ZFAND3: variants seen among roughly 807,000 people sequenced by gnomAD.
ZFAND3 encodes the protein AN1-type zinc finger protein 3.
A neutral mutation model predicts 29.6 loss-of-function variants in ZFAND3; 10 were observed. That is an observed-to-expected ratio of 0.34 (90% CI 0.21 to 0.57). The LOEUF (loss-of-function observed/expected upper bound fraction) is 0.57, where lower values mean the gene tolerates loss of function less well. Ranked by LOEUF, ZFAND3 falls within the 20% of genes least tolerant of loss-of-function variation. The pLI is 0.86. For synonymous variants in ZFAND3, 128 were observed against 112.6 expected, an observed-to-expected ratio of 1.14 and a Z score of -0.87; for missense variants, 230 against 304.5, an observed-to-expected ratio of 0.76 and a Z score of 1.82.
chr6:38,095,193 T>G (rs1010441280), intron 4 of ZFAND3, among the ~76,000 whole-genome samples: 6 of 152,180 alleles, frequency 3.9e-5, no homozygotes, highest in Non-Finnish European at 7.3e-5. Flanking sequence ...ATGAAAACAG[T>G]TAATGGTGAA....
intron 2 of ZFAND3, among the ~76,000 whole-genome samples, chr6:38,009,300 C>T (rs1162282685): frequency 6.6e-6 from 1 of 152,152 alleles, no homozygotes; most frequent in South Asian, 2.1e-4. Context: ...TCGGTAGCAT[C>T]TTAACAAGTG....
chr6:37,946,294 A>G (rs1488708924), intron 2 of ZFAND3, among the ~76,000 whole-genome samples: 2 of 152,222 alleles, frequency 1.3e-5, no homozygotes, highest in Admixed American at 6.5e-5. Context: ...TAAGATACTT[A>G]CCATGACTCA....
chr6:38,115,253 A>G (rs1012017534), intron 4 of ZFAND3, among the ~76,000 whole-genome samples: 5 of 152,178 alleles, frequency 3.3e-5, no homozygotes, highest in African/African-American at 4.8e-5. Context: ...GACAGAGGGA[A>G]TAGAAGGTAC....
At chr6:37,886,237 C>CAA (rs55661554) in intron 1 of ZFAND3, among the ~76,000 whole-genome samples, 2 of 95,298 alleles carry the variant, frequency 2.1e-5, no homozygotes, top group African/African-American at 3.6e-5. Flanking sequence ...GACTCTGTCT[C>CAA]AAAAAAAAAA....
At chr6:38,051,417 T>C (rs1764023429) in intron 2 of ZFAND3, among the ~76,000 whole-genome samples, 2 of 152,192 alleles carry the variant, frequency 1.3e-5, no homozygotes, top group African/African-American at 4.8e-5. Flanking sequence ...TATGGGACAT[T>C]TAAAGCCTTA....
intron 1 of ZFAND3, among the ~76,000 whole-genome samples, chr6:37,873,202 C>G (rs988362864): frequency 6.6e-6 from 1 of 152,024 alleles, no homozygotes; most frequent in Non-Finnish European, 1.5e-5. Flanking sequence ...ACCCGGGAGG[C>G]GAAGCTTGCG....
chr6:37,981,712 T>TA (rs1376564664), intron 2 of ZFAND3, among the ~76,000 whole-genome samples: 1 of 152,198 alleles, frequency 6.6e-6, no homozygotes, highest in Non-Finnish European at 1.5e-5. Flanking sequence ...TTTTTCCTTG[T>TA]AGAAGGTCAA....
intron 1 of ZFAND3, among the ~76,000 whole-genome samples, chr6:37,908,523 T>C (rs1581752052): frequency 1.1e-5 from 1 of 95,218 alleles, no homozygotes; most frequent in African/African-American, 3.7e-5. Context: ...AAACTTAAAG[T>C]ATAATTAAAA....
chr6:37,938,289 C>T (rs1429394111), intron 2 of ZFAND3, among the ~76,000 whole-genome samples: 1 of 152,120 alleles, frequency 6.6e-6, no homozygotes, highest in Non-Finnish European at 1.5e-5. Context: ...TTACCTAGAA[C>T]AATCTCCGTT....
intron 1 of ZFAND3, among the ~76,000 whole-genome samples, chr6:37,916,617 G>A (rs1020653784): frequency 1.3e-5 from 2 of 152,182 alleles, no homozygotes; most frequent in Non-Finnish European, 2.9e-5. Context: ...CTGAGATTGC[G>A]CCACTGTACT....
chr6:38,028,054 G>A (rs146417792), intron 2 of ZFAND3, among the ~76,000 whole-genome samples: 2 of 152,306 alleles, frequency 1.3e-5, no homozygotes, highest in East Asian at 3.9e-4. Context: ...TTTGCTACAA[G>A]AATATTTGGA....
intron 5 of ZFAND3, among the ~76,000 whole-genome samples, chr6:38,135,268 G>T (rs944192676): frequency 6.6e-6 from 1 of 152,186 alleles, no homozygotes; most frequent in Non-Finnish European, 1.5e-5. Context: ...AAATACTACA[G>T]CAAAGTTCAG....
chr6:37,865,784 G>C (rs1277183865), intron 1 of ZFAND3, among the ~76,000 whole-genome samples: 1 of 152,182 alleles, frequency 6.6e-6, no homozygotes, highest in Admixed American at 6.5e-5. Flanking sequence ...GGAGAGCTGG[G>C]TTAAATAGGA....
intron 2 of ZFAND3, among the ~76,000 whole-genome samples, chr6:38,015,007 A>G (rs1312615877): frequency 3.9e-5 from 6 of 152,234 alleles, no homozygotes; most frequent in African/African-American, 1.4e-4. Flanking sequence ...CTTTTTACCA[A>G]TATGATGACT....
rs1183781200 is a variant in ZFAND3, at chr6:38,153,208, C to T, written c.*819C>T. The T allele has an allele frequency of 1.0e-6, 1 of 985,502 alleles. No individual in the cohort carries two copies. Among genetic ancestry groups the T allele is most frequent in the East Asian group, 1.1e-4 (1 of 8,814 alleles). 61.0% of individuals were successfully genotyped at this position (985,502 alleles called of 1,614,324 possible). A position where few individuals can be genotyped will look rare whatever the true frequency, so the allele number is the denominator to read the frequency against. The stretch of plus-strand genomic sequence containing the variant: ...ACGGACCAGATGTGGCGAATGGCAG[C>T]ACAGCGCGGTGGCTGGGTCTGCACA... On this transcript the variant is annotated 3_prime_UTR_variant, in exon 6 of 6. Transcript: ENST00000287218.
chr6:38,110,137 T>G (rs1343685128), intron 4 of ZFAND3, among the ~76,000 whole-genome samples: 1 of 152,176 alleles, frequency 6.6e-6, no homozygotes, highest in Non-Finnish European at 1.5e-5. Flanking sequence ...CGTCTCCATA[T>G]CAAATGAAGA....
At chr6:37,986,467 G>T (rs905865453) in intron 2 of ZFAND3, among the ~76,000 whole-genome samples, 1 of 152,136 alleles carries the variant, frequency 6.6e-6, no homozygotes, top group Non-Finnish European at 1.5e-5. Flanking sequence ...ACCAGTACCT[G>T]CTGTGCAAAG....
intron 2 of ZFAND3, among the ~76,000 whole-genome samples, chr6:37,933,529 A>C (rs1375435821): frequency 1.3e-5 from 2 of 152,248 alleles, no homozygotes; most frequent in Admixed American, 6.5e-5. Context: ...GAAAGGAATA[A>C]GAAAGGAGAA....
At chr6:38,080,948 T>C (rs551918287) in intron 3 of ZFAND3, among the ~76,000 whole-genome samples, 6 of 152,328 alleles carry the variant, frequency 3.9e-5, no homozygotes, top group Non-Finnish European at 7.4e-5. Context: ...ATTACTCTGC[T>C]CTCTGGTCTG....
Sources: gnomAD v4.1 joint callset for allele counts (sites outside exome capture counted in the v4.1 genomes callset) on GRCh38, gnomAD v4.1.1 for gene constraint, MANE v1.5 for transcripts, NCBI Gene and HGNC (gene_info 2026-07-23, HGNC 2026-07-21) for gene names.